The following ARAP2 variants were observed in gnomAD, a reference collection of about 807,000 sequenced individuals.
ARAP2 encodes arf-GAP with Rho-GAP domain, ANK repeat and PH domain-containing protein 2.
ARAP2 carries 148 observed loss-of-function variants against 194.5 expected under a neutral mutation model. The ratio of observed to expected loss-of-function variants is 0.76; its 90% CI spans 0.67 to 0.87. ARAP2 has a LOEUF of 0.87. Ranked by LOEUF, ARAP2 falls within the 40% of genes least tolerant of loss-of-function variation. The pLI is 0.00. For missense variants in ARAP2, 2,128 were observed against 1,989.7 expected (o/e 1.07, Z -1.32); for synonymous variants, 695 against 683.5 (o/e 1.02, Z -0.26).
intron 7 of ARAP2, among the ~76,000 whole-genome samples, chr4:36,192,086 CCA>C (rs1271587387): frequency 7.9e-5 from 12 of 151,714 alleles, no homozygotes; most frequent in African/African-American, 2.9e-4. Flanking sequence ...GTGGCTATGG[CCA>C]CACCTATGCA....
At chr4:36,196,372 T>C (rs1743117002) in intron 6 of ARAP2, among the ~76,000 whole-genome samples, 1 of 152,172 alleles carries the variant, frequency 6.6e-6, no homozygotes, top group Admixed American at 6.5e-5. Context: ...AGATGCAGCA[T>C]CTGACTAGCT....
At chr4:36,046,124 A>G (rs1721793056) in intron 4 of ARAP2, 1 of 152,180 alleles carries the variant, frequency 6.6e-6, no homozygotes, top group African/African-American at 2.4e-5. Flanking sequence ...AACTAGGCAT[A>G]TATTGCAAAA....
chr4:36,037,610 C>G (rs1720149399), intron 5 of ARAP2, among the ~76,000 whole-genome samples: 2 of 152,100 alleles, frequency 1.3e-5, no homozygotes, highest in African/African-American at 4.8e-5. Flanking sequence ...CATACCTGCA[C>G]TAAAACTAAG....
intron 28 of ARAP2, among the ~76,000 whole-genome samples, chr4:36,087,579 G>A (rs1306990052): frequency 6.6e-6 from 1 of 151,972 alleles, no homozygotes; most frequent in Non-Finnish European, 1.5e-5. Context: ...ACTCTGTTAA[G>A]GGATATGAGA....
intron 2 of ARAP2, among the ~76,000 whole-genome samples, chr4:36,054,337 G>T (rs1299583558): frequency 6.6e-6 from 1 of 152,144 alleles, no homozygotes; most frequent in Non-Finnish European, 1.5e-5. Context: ...CTAATCTATT[G>T]CTCAATTATT....
At chr4:36,012,333 C>T (rs913576875) in intron 9 of ARAP2, among the ~76,000 whole-genome samples, 4 of 152,128 alleles carry the variant, frequency 2.6e-5, no homozygotes, top group African/African-American at 9.7e-5. Context: ...GCCATTTCTT[C>T]CTTGATTAAC....
intron 6 of ARAP2, among the ~76,000 whole-genome samples, chr4:36,198,882 T>TTCCAGCC (rs1399315414): frequency 3.3e-5 from 5 of 152,308 alleles, no homozygotes; most frequent in Non-Finnish European, 7.4e-5. Flanking sequence ...TCCTGCCAGC[T>TTCCAGCC]TCCAGCCTCC....
rs1254617889 is a variant in ARAP2 at position 36,067,312 on chromosome 4, T to G, written c.*595A>C. 1.3e-5 allele frequency: 2 copies of G among 152,684 alleles called. No homozygotes were observed. The highest frequency in any genetic ancestry group is 4.8e-5 in the African/African-American group (2 of 41,460). The allele number at this position is 152,684 out of a possible 1,614,324, so 9.5% of individuals were successfully genotyped here. A position where few individuals can be genotyped will look rare whatever the true frequency, so the allele number is the denominator to read the frequency against. ...TTTCTCATTGACAAGTTCTGGTCATTAGTGAACTAGAATGAATCTTAGCTC... is the reference window on the plus strand; with the variant it reads ...TTTCTCATTGACAAGTTCTGGTCATGAGTGAACTAGAATGAATCTTAGCTC... On this transcript the variant is annotated 3_prime_UTR_variant, in exon 33 of 33. Coordinates refer to ENST00000303965, the MANE Select transcript of ARAP2 (RefSeq NM_015230.4).
intron 7 of ARAP2, among the ~76,000 whole-genome samples, chr4:36,191,708 C>T (rs1741939515): frequency 6.6e-6 from 1 of 151,810 alleles, no homozygotes; most frequent in Non-Finnish European, 1.5e-5. Flanking sequence ...TTAAAGCATC[C>T]CTTGAGCCTG....
At chr4:36,007,935 C>T (rs1197918525) in intron 9 of ARAP2, among the ~76,000 whole-genome samples, 2 of 152,004 alleles carry the variant, frequency 1.3e-5, no homozygotes, top group Non-Finnish European at 2.9e-5. Context: ...AAGGCAATCT[C>T]TTTCATAATT....
chr4:36,148,904 G>C (rs1278958868), intron 16 of ARAP2, among the ~76,000 whole-genome samples: 1 of 151,984 alleles, frequency 6.6e-6, no homozygotes, highest in East Asian at 1.9e-4. Context: ...AACTTCAAAT[G>C]GTCCCAGTCA....
intron 24 of ARAP2, among the ~76,000 whole-genome samples, chr4:36,118,642 T>C (rs747442067): frequency 1.4e-4 from 21 of 151,374 alleles, no homozygotes; most frequent in Non-Finnish European, 2.4e-4. Context: ...TGGTTAAAGT[T>C]TACCTCTCAG....
chr4:36,212,419 T>C lies in ARAP2; in HGVS notation c.1110A>G (p.Thr370=). The C allele has an allele frequency of 1.2e-6, 2 of 1,612,220 alleles. No homozygotes were observed. Among genetic ancestry groups the C allele is most frequent in the Admixed American group, 1.7e-5 (1 of 59,946 alleles). ...ACCTTGATTTGATGATAAAAGAGTT[T>C]GTTGCAGTAGCTGCTTCCCCTTTGA... The part of the protein sequence containing the change: ...EALKGEAATA[T]NSFIIKSSIY... The change falls in exon 5 of 33, where the codon ACA becomes ACG. Residue 370 remains threonine (T), a synonymous_variant. Coordinates refer to ENST00000303965, the MANE Select transcript of ARAP2 (RefSeq NM_015230.4).
intron 9 of ARAP2, among the ~76,000 whole-genome samples, chr4:36,171,215 G>A (rs2109825000): frequency 6.6e-6 from 1 of 152,252 alleles, no homozygotes; most frequent in Non-Finnish European, 1.5e-5. Context: ...AAAGACACAT[G>A]CACACGTATG....
At chr4:36,141,803 ATCTC>A (rs1256344674) in intron 19 of ARAP2, among the ~76,000 whole-genome samples, 1 of 151,638 alleles carries the variant, frequency 6.6e-6, no homozygotes, top group Non-Finnish European at 1.5e-5. Context: ...CATTCACACT[ATCTC>A]TATAGGCCAA....
intron 5 of ARAP2, among the ~76,000 whole-genome samples, chr4:36,030,989 G>T (rs1040065730): frequency 6.6e-6 from 1 of 152,014 alleles, no homozygotes; most frequent in Non-Finnish European, 1.5e-5. Flanking sequence ...AATTAGCTGG[G>T]CATGGTGGCA....
In ARAP2 at chr4:36,159,477, T is replaced by A; in HGVS notation, c.2471A>T (p.Asp824Val). 6.3e-7 allele frequency: 1 copy of A among 1,589,380 alleles called. No homozygotes were observed. The highest frequency in any genetic ancestry group is 8.6e-7 in the Non-Finnish European group (1 of 1,164,786). ...CAGCAAAGCCATTGTTTCTAGAACA[T>A]CCGGTTTCACTACAGCAGCACATAG... is the stretch of plus-strand genomic sequence containing the variant. ...KALCAAVVKP[D>V]VLETMALLFS... The change falls in exon 14 of 33, where the codon GAT becomes GTT. Residue 824 changes from aspartate (D) to valine (V), a missense_variant. By Grantham distance (152) the Asp-to-Val change is radical (BLOSUM62 -3). Transcript: ENST00000303965.
intron 6 of ARAP2, among the ~76,000 whole-genome samples, chr4:36,209,922 C>T (rs966896478): frequency 6.6e-6 from 1 of 152,058 alleles, no homozygotes; most frequent in African/African-American, 2.4e-5. Context: ...AATAAGATAT[C>T]AATAATAGTG....
intron 6 of ARAP2, 146 bp downstream of exon 6, chr4:36,210,244 G>A (rs1268587659): frequency 1.5e-6 from 1 of 664,510 alleles, no homozygotes; most frequent in Non-Finnish European, 2.5e-6. Flanking sequence ...TGGCAAAAGT[G>A]TGCTGAAAGT....
Sources: allele counts gnomAD v4.1 joint callset (sites outside exome capture counted in the v4.1 genomes callset), GRCh38; gene constraint gnomAD v4.1.1; transcripts MANE v1.5; gene names NCBI Gene and HGNC (gene_info 2026-07-23, HGNC 2026-07-21).